ARID1B: variants seen among roughly 807,000 people sequenced by gnomAD.
ARID1B encodes AT-rich interaction domain 1B.
ARID1B carries 30 observed loss-of-function variants against 212.3 expected under a neutral mutation model. That is an observed-to-expected ratio of 0.14 (90% CI 0.11 to 0.19). The LOEUF (loss-of-function observed/expected upper bound fraction) is 0.19, where lower values mean the gene tolerates loss of function less well. ARID1B is among the 10% of genes least tolerant of loss of function. The pLI is 1.00. For missense variants in ARID1B, 2,891 were observed against 3,204.0 expected (o/e 0.90, Z 2.36); for synonymous variants, 1,402 against 1,301.7 (o/e 1.08, Z -1.66).
intron 1 of ARID1B, among the ~76,000 whole-genome samples, chr6:156,821,231 G>T (rs981424639): frequency 1.1e-4 from 17 of 152,196 alleles, no homozygotes; most frequent in Admixed American, 6.5e-5. Flanking sequence ...TAGGAGATGG[G>T]GAGGTGGGGT....
At chr6:157,075,957 A>G (rs957468616) in intron 4 of ARID1B, among the ~76,000 whole-genome samples, 1 of 152,224 alleles carries the variant, frequency 6.6e-6, no homozygotes, top group Non-Finnish European at 1.5e-5. Flanking sequence ...GAAAAGGGAC[A>G]TAAGTGGCAA....
intron 11 of ARID1B, 126 bp from the exon 12 acceptor site, chr6:157,180,843 T>A: frequency 1.4e-6 from 1 of 715,224 alleles, no homozygotes; most frequent in Non-Finnish European, 2.3e-6. Flanking sequence ...CTAATTGTTG[T>A]GTGATAGCAG....
chr6:157,144,483 T>G (rs1789582238), intron 7 of ARID1B, among the ~76,000 whole-genome samples: 1 of 152,222 alleles, frequency 6.6e-6, no homozygotes, highest in Admixed American at 6.5e-5. Flanking sequence ...AATTAATTAC[T>G]TGTGCATTCA....
chr6:156,960,904 T>A (rs1794328485), intron 4 of ARID1B, among the ~76,000 whole-genome samples: 2 of 152,216 alleles, frequency 1.3e-5, no homozygotes, highest in South Asian at 4.1e-4. Flanking sequence ...AGGAAGTGTT[T>A]TCCTCTCTAG....
At position 156,777,995 on chromosome 6, in the gene ARID1B, G is replaced by A. The variant is rs916756634; in HGVS notation, c.315G>A (p.Glu105=). Residue 105 remains glutamate, a synonymous_variant, in exon 1 of 20, where the codon GAG becomes GAA. Coordinates refer to ENST00000636930, the MANE Select transcript of ARID1B (RefSeq NM_001374828.1). ...GTHSAKSGGS[E]AALKEGGSAA... is the part of the protein sequence containing the mutation. ...ACAGCGCCAAGAGCGGCGGCTCCGA[G>A]GCGGCTCTCAAGGAGGGTGGAAGCG... 6.5e-7 allele frequency: 1 copy of A among 1,531,526 alleles called. No individual in the cohort carries two copies. The highest frequency in any genetic ancestry group is 8.7e-7 in the Non-Finnish European group (1 of 1,144,822). The allele number at this position is 1,531,526 out of a possible 1,614,324, so 94.9% of individuals were successfully genotyped here.
At chr6:156,844,077 T>C (rs1784076667) in intron 2 of ARID1B, among the ~76,000 whole-genome samples, 1 of 152,120 alleles carries the variant, frequency 6.6e-6, no homozygotes, top group Non-Finnish European at 1.5e-5. Flanking sequence ...CTTTGTGAAT[T>C]TTACAGAATT....
At chr6:157,115,756 T>A (rs1328439753) in intron 6 of ARID1B, among the ~76,000 whole-genome samples, 1 of 152,170 alleles carries the variant, frequency 6.6e-6, no homozygotes, top group African/African-American at 2.4e-5. Flanking sequence ...TAAAGAAAAT[T>A]AGTTCAGATT....
At chr6:157,128,935 C>T (rs1674646642) in intron 6 of ARID1B, among the ~76,000 whole-genome samples, 3 of 152,230 alleles carry the variant, frequency 2.0e-5, no homozygotes. Context: ...TCCCATAATA[C>T]ACCCTTTTTA....
At chr6:157,161,431 G>GTGTGTGTGTGTGTGTATA (rs540423195) in intron 8 of ARID1B, among the ~76,000 whole-genome samples, 2 of 139,380 alleles carry the variant, frequency 1.4e-5, no homozygotes, top group African/African-American at 5.6e-5. Flanking sequence ...TTGTGTGTGT[G>GTGTGTGTGTGTGTGTATA]TATATATATA....
At chr6:157,117,916 G>A (rs1042652102) in intron 6 of ARID1B, among the ~76,000 whole-genome samples, 2 of 152,236 alleles carry the variant, frequency 1.3e-5, no homozygotes, top group East Asian at 3.9e-4. Context: ...ACTTACAGTG[G>A]GTGTCAGTAT....
chr6:156,807,284 C>T (rs188695705), intron 1 of ARID1B, among the ~76,000 whole-genome samples: 240 of 152,086 alleles, frequency 1.6e-3, no homozygotes, highest in Non-Finnish European at 2.6e-3. Flanking sequence ...CACGTGGTGT[C>T]GGAAACGCCT....
intron 6 of ARID1B, among the ~76,000 whole-genome samples, chr6:157,122,543 C>T (rs576414787): frequency 1.3e-5 from 2 of 152,324 alleles, no homozygotes; most frequent in South Asian, 2.1e-4. Context: ...AGGGATTCGC[C>T]TCTTAGCATG....
chr6:156,781,820 C>A (rs73790920), intron 1 of ARID1B, among the ~76,000 whole-genome samples: 8,398 of 152,048 alleles, frequency 0.055, 800 homozygotes, highest in African/African-American at 0.19. Flanking sequence ...TTAAAATTCA[C>A]ATCTTCGTAA....
intron 4 of ARID1B, among the ~76,000 whole-genome samples, chr6:156,950,863 T>C (rs1216695326): frequency 1.3e-5 from 2 of 152,208 alleles, no homozygotes; most frequent in Non-Finnish European, 2.9e-5. Flanking sequence ...CCTTTGAATT[T>C]ACCTACAAAC....
chr6:157,196,301 C>G lies in ARID1B; in HGVS notation c.4368C>G (p.Ala1456=), dbSNP rs1275215744. 6.3e-7 allele frequency: 1 copy of G among 1,590,502 alleles called. No individual in the cohort carries two copies. The highest frequency in any genetic ancestry group is 1.4e-5 in the African/African-American group (1 of 73,216). The change falls in exon 16 of 20, where the codon GCC becomes GCG. Residue 1456 remains alanine, a synonymous_variant. Transcript: ENST00000636930. Reference sequence around the variant, plus strand: ...AGCGCCAGCAGTTTCCCTATGGAGCCAGTTACGACCGAAGGTGAGTATTTT... The same window carrying G: ...AGCGCCAGCAGTTTCCCTATGGAGCGAGTTACGACCGAAGGTGAGTATTTT... The part of the protein sequence containing the change: ...MGQRQQFPYG[A]SYDRRHEPYG...
chr6:157,207,348 T>C lies in ARID1B; in HGVS notation c.6576T>C (p.Thr2192=). Reference sequence around the variant, plus strand: ...CAGAGGCACAAGATCCCTTTCCAACTGTGGGACCCAACTCGGTCCTGTCGC... The same window carrying C: ...CAGAGGCACAAGATCCCTTTCCAACCGTGGGACCCAACTCGGTCCTGTCGC... ...PSAEAQDPFP[T]VGPNSVLSPQ... is the part of the protein sequence containing the mutation. The change falls in exon 20 of 20, where the codon ACT becomes ACC. Residue 2192 remains threonine, a synonymous_variant. Coordinates refer to ENST00000636930, the MANE Select transcript of ARID1B (RefSeq NM_001374828.1). This position sits in a 1 kb window ranked among gnomAD's most constrained non-coding sequence, Gnocchi z 8.5. 6.2e-7 allele frequency: 1 copy of C among 1,614,190 alleles called. No individual in the cohort carries two copies. The highest frequency in any genetic ancestry group is 8.5e-7 in the Non-Finnish European group (1 of 1,180,022).
chr6:156,841,397 GC>G (rs1783892366), intron 2 of ARID1B, among the ~76,000 whole-genome samples: 1 of 152,172 alleles, frequency 6.6e-6, no homozygotes, highest in African/African-American at 2.4e-5. Flanking sequence ...ATCCCTGTGT[GC>G]TTTATTCTAG....
At chr6:156,793,723 C>T (rs1780167654) in intron 1 of ARID1B, among the ~76,000 whole-genome samples, 1 of 152,188 alleles carries the variant, frequency 6.6e-6, no homozygotes, top group Non-Finnish European at 1.5e-5. Flanking sequence ...TCAGGAGTGA[C>T]TGGCAAAACT....
Position 157,201,550 on chromosome 6 carries a change from T to C in ARID1B, c.5263+62T>C. 6.8e-7 allele frequency: 1 copy of C among 1,463,876 alleles called. No homozygotes were observed. Among genetic ancestry groups the C allele is most frequent in the Non-Finnish European group, 9.1e-7 (1 of 1,103,384 alleles). 90.7% of individuals were successfully genotyped at this position (1,463,876 alleles called of 1,614,324 possible). On this transcript the variant is annotated intron_variant, in intron 18 of 19. Transcript: ENST00000636930. The surrounding 1 kb of genome is among the most constrained non-coding windows in gnomAD (Gnocchi z 5.2). ...CAGTTGCAGTGTAGAATTTTAATTTTAGTAAAGATGCTGTTCCTGCTCATC... is the reference window on the plus strand; with the variant it reads ...CAGTTGCAGTGTAGAATTTTAATTTCAGTAAAGATGCTGTTCCTGCTCATC...
Sources: gnomAD v4.1 joint callset for allele counts (sites outside exome capture counted in the v4.1 genomes callset) on GRCh38, gnomAD v4.1.1 for gene constraint, Gnocchi (gnomAD v3.1) non-coding constraint, MANE v1.5 for transcripts, NCBI Gene and HGNC (gene_info 2026-07-23, HGNC 2026-07-21) for gene names.